The following ARL13B variants were observed in gnomAD, a reference collection of about 807,000 sequenced individuals.
ARL13B encodes ADP-ribosylation factor-like protein 13B.
A neutral mutation model predicts 56.1 loss-of-function variants in ARL13B; 36 were observed. That is an observed-to-expected ratio of 0.64 (90% CI 0.49 to 0.85). The LOEUF (loss-of-function observed/expected upper bound fraction) is 0.85, where lower values mean the gene tolerates loss of function less well. Ranked by LOEUF, ARL13B falls within the 40% of genes least tolerant of loss-of-function variation. The pLI is 0.00. For missense variants in ARL13B, 519 were observed against 507.1 expected, an observed-to-expected ratio of 1.02 and a Z score of -0.23; for synonymous variants, 178 against 171.1, an observed-to-expected ratio of 1.04 and a Z score of -0.32.
At chr3:94,033,302 C>G (rs868408094) in intron 3 of ARL13B, among the ~76,000 whole-genome samples, 1 of 152,112 alleles carries the variant, frequency 6.6e-6, no homozygotes, top group Non-Finnish European at 1.5e-5. Flanking sequence ...AAAGCCCAGA[C>G]CTCACCACTA....
chr3:94,022,312 G>GA (rs1482466717), intron 3 of ARL13B, among the ~76,000 whole-genome samples: 1 of 152,014 alleles, frequency 6.6e-6, no homozygotes, highest in Non-Finnish European at 1.5e-5. Context: ...TTTTAATAGA[G>GA]ATGGGGTTTT....
chr3:94,029,321 TATATATA>T (rs2076621223), intron 3 of ARL13B, among the ~76,000 whole-genome samples: 6 of 100,792 alleles, frequency 6.0e-5, no homozygotes, highest in African/African-American at 2.9e-4. Flanking sequence ...TATATATATA[TATATATA>T]TATATATTTA....
intron 2 of ARL13B, among the ~76,000 whole-genome samples, chr3:94,003,433 A>G (rs1470149901): frequency 1.3e-5 from 2 of 152,186 alleles, no homozygotes; most frequent in African/African-American, 2.4e-5. Flanking sequence ...CCTATTATAT[A>G]CTAGGTGTGG....
intron 1 of ARL13B, among the ~76,000 whole-genome samples, chr3:93,991,531 T>C (rs771018021): frequency 1.3e-5 from 2 of 152,140 alleles, no homozygotes; most frequent in Admixed American, 6.5e-5. Context: ...CACATCACCA[T>C]TCCCAGCTAA....
intron 2 of ARL13B, among the ~76,000 whole-genome samples, chr3:93,997,991 A>T (rs2075995012): frequency 6.6e-6 from 1 of 152,210 alleles, no homozygotes. Context: ...CTCAAAAAAA[A>T]AGAAGACAAT....
At chr3:94,026,385 C>T (rs1457764158) in intron 3 of ARL13B, among the ~76,000 whole-genome samples, 2 of 152,108 alleles carry the variant, frequency 1.3e-5, no homozygotes, top group Admixed American at 6.5e-5. Context: ...AGTTGCTTAT[C>T]TTTATAGAAT....
In ARL13B at chr3:94,003,713, A is replaced by C; in HGVS notation, c.185A>C (p.Gln62Pro). ...TVGFSKINLR[Q>P]GKFEVTIFDL... is the part of the protein sequence containing the mutation. ...GGATTTTCAAAAATTAACCTTAGAC[A>C]AGGAAAGTTTGAAGTCACCATCTTT... Residue 62 changes from glutamine to proline, a missense_variant, in exon 3 of 10, where the codon CAA (glutamine) becomes CCA (proline). Gln to Pro is a moderately conservative substitution (Grantham distance 76, BLOSUM62 -1). Coordinates refer to ENST00000394222, the MANE Select transcript of ARL13B (RefSeq NM_001174150.2). 1 of 1,613,636 alleles carries C rather than the reference A, an allele frequency of 6.2e-7. No homozygotes were observed. Among genetic ancestry groups the C allele is most frequent in the Non-Finnish European group, 8.5e-7 (1 of 1,179,658 alleles).
chr3:94,054,522 A>G lies in ARL13B; in HGVS notation c.*1259A>G, dbSNP rs1414551765. 2.6e-6 allele frequency: 1 copy of G among 384,610 alleles called. No homozygotes were observed. The highest frequency in any genetic ancestry group is 7.5e-5 in the East Asian group (1 of 13,304). The allele number at this position is 384,610 out of a possible 1,614,324, so 23.8% of individuals were successfully genotyped here. On this transcript the variant is annotated 3_prime_UTR_variant, in exon 10 of 10. Coordinates refer to ENST00000394222, the MANE Select transcript of ARL13B (RefSeq NM_001174150.2). ...CAATGAAAATAGTATAAACAGAATG[A>G]TTTTTATACCACCTTGTTAAGATTG...
chr3:94,037,136 A>G (rs2076782707), intron 5 of ARL13B, among the ~76,000 whole-genome samples: 2 of 152,168 alleles, frequency 1.3e-5, no homozygotes, highest in African/African-American at 2.4e-5. Flanking sequence ...CTTGGAATCT[A>G]TTGGGTAGAG....
At chr3:93,991,499 C>T (rs990094382) in intron 1 of ARL13B, among the ~76,000 whole-genome samples, 2 of 152,100 alleles carry the variant, frequency 1.3e-5, no homozygotes, top group Non-Finnish European at 2.9e-5. Context: ...CTCAGCCTTC[C>T]GAGTAGCCAG....
At chr3:93,982,087 G>A (rs1214291804) in intron 1 of ARL13B, among the ~76,000 whole-genome samples, 1 of 152,036 alleles carries the variant, frequency 6.6e-6, no homozygotes, top group African/African-American at 2.4e-5. Flanking sequence ...TTCTTTTAAC[G>A]AGAAACAGTG....
intron 1 of ARL13B, among the ~76,000 whole-genome samples, chr3:93,983,403 G>T (rs1369739045): frequency 1.3e-5 from 2 of 151,972 alleles, no homozygotes; most frequent in African/African-American, 2.4e-5. Flanking sequence ...GGTTCAGTTT[G>T]GTACGGCTCC....
intron 3 of ARL13B, among the ~76,000 whole-genome samples, chr3:94,030,619 G>A (rs1258788269): frequency 6.6e-6 from 1 of 151,934 alleles, no homozygotes. Flanking sequence ...ATGAACCTAG[G>A]TATATATCTA....
chr3:93,995,749 C>A, intron 1 of ARL13B, 125 bp from the exon 2 acceptor site: 1 of 815,422 alleles, frequency 1.2e-6, no homozygotes, highest in South Asian at 1.6e-5. Flanking sequence ...TCCCTAGCAT[C>A]CAACAGATTT....
At chr3:94,005,643 GAATT>G (rs1341126191) in intron 3 of ARL13B, among the ~76,000 whole-genome samples, 4 of 152,166 alleles carry the variant, frequency 2.6e-5, no homozygotes, top group Non-Finnish European at 4.4e-5. Flanking sequence ...AAAGATATAA[GAATT>G]AATTATGGAC....
At position 94,054,716 on chromosome 3, in the gene ARL13B, T is replaced by A; in HGVS notation, c.*1453T>A. ...TGAACTTTAATAATCAGGTCACCTGTACTCTAGTCAGCACTGTATATATTC... is the reference window on the plus strand; with the variant it reads ...TGAACTTTAATAATCAGGTCACCTGAACTCTAGTCAGCACTGTATATATTC... On this transcript the variant is annotated 3_prime_UTR_variant, in exon 10 of 10. Coordinates refer to ENST00000394222, the MANE Select transcript of ARL13B (RefSeq NM_001174150.2). 1 of 411,802 alleles carries A rather than the reference T, an allele frequency of 2.4e-6. No homozygotes were observed. Among genetic ancestry groups the A allele is most frequent in the South Asian group, 1.8e-5 (1 of 54,776 alleles). 25.5% of individuals were successfully genotyped at this position (411,802 alleles called of 1,614,324 possible). A position where few individuals can be genotyped will look rare whatever the true frequency, so the allele number is the denominator to read the frequency against.
At chr3:94,021,308 C>T (rs369498823) in intron 3 of ARL13B, among the ~76,000 whole-genome samples, 4 of 151,820 alleles carry the variant, frequency 2.6e-5, no homozygotes, top group African/African-American at 7.2e-5. Flanking sequence ...GATTCTCCTG[C>T]GTCAGCCTCC....
chr3:93,995,964 G>A lies in ARL13B; in HGVS notation c.130+20G>A, dbSNP rs2075959442. On this transcript the variant is annotated intron_variant, in intron 2 of 9. Coordinates refer to ENST00000394222, the MANE Select transcript of ARL13B (RefSeq NM_001174150.2). Reference sequence around the variant, plus strand: ...AAGGAGGTAAGCTGAAAACATTTATGTGCTTTCTGAACTCTATTAAATTAT... The same window carrying A: ...AAGGAGGTAAGCTGAAAACATTTATATGCTTTCTGAACTCTATTAAATTAT... The A allele has an allele frequency of 1.2e-6, 2 of 1,608,424 alleles. No individual in the cohort carries two copies. The highest frequency in any genetic ancestry group is 4.5e-5 in the East Asian group (2 of 44,666).
At chr3:93,996,586 C>A in intron 2 of ARL13B, 1 of 431,322 alleles carries the variant, frequency 2.3e-6, no homozygotes, top group Non-Finnish European at 4.7e-6. Context: ...CTATGTTGCC[C>A]AAGCTGGTCT....
Sources: allele counts gnomAD v4.1 joint callset (sites outside exome capture counted in the v4.1 genomes callset), GRCh38; gene constraint gnomAD v4.1.1; transcripts MANE v1.5; gene names NCBI Gene and HGNC (gene_info 2026-07-23, HGNC 2026-07-21).